The following USP50 variants were observed in gnomAD, a reference collection of about 807,000 sequenced individuals.
USP50 encodes ubiquitin specific peptidase 50.
Under a neutral mutation model 39.2 loss-of-function variants are expected in USP50, and 37 were observed. That is an observed-to-expected ratio of 0.94 (90% CI 0.73 to 1.24). The LOEUF (loss-of-function observed/expected upper bound fraction) is 1.24. USP50 is among the 50% of genes most tolerant of loss of function. USP50 has a pLI of 0.00. For missense variants in USP50, 374 were observed against 398.2 expected (o/e 0.94, Z 0.52); for synonymous variants, 139 against 144.5 (o/e 0.96, Z 0.27).
chr15:50,498,306 C>T (rs1350947303), downstream of USP50: 5 of 251,978 alleles, frequency 2.0e-5, no homozygotes, highest in African/African-American at 1.1e-4. Flanking sequence ...GTCTTACCTT[C>T]CTAGAAGACT....
chr15:50,530,028 T>TGGAGTTCAGC, intron 5 of USP50, 99 bp from the exon 6 acceptor site: 18 of 1,499,366 alleles, frequency 1.2e-5, no homozygotes, highest in Non-Finnish European at 1.5e-5. Flanking sequence ...ATTTCTTGAC[T>TGGAGTTCAGC]GGGCACAGTG....
At position 50,535,488 on chromosome 15, in the gene USP50, A is replaced by G. The variant is rs371791716; in HGVS notation, c.803+3221T>C. Among the ~76,000 whole-genome samples the G allele has an allele frequency of 2.0e-4, 30 of 152,006 alleles. 1 individual carries two copies. The South Asian group carries it at 3.7e-3, about 19-fold the overall frequency. On this transcript the variant is annotated intron_variant, in intron 5 of 6. Coordinates refer to ENST00000532404, the MANE Select transcript of USP50 (RefSeq NM_203494.5). ...ACAAATTTAAAATAATAGAAATCATACAATCTCTGCTCTCAGACCACAATG... is the reference window on the plus strand; with the variant it reads ...ACAAATTTAAAATAATAGAAATCATGCAATCTCTGCTCTCAGACCACAATG...
chr15:50,498,271 G>A, downstream of USP50: 1 of 194,108 alleles, frequency 5.2e-6, no homozygotes. Flanking sequence ...TTTCTTTTGT[G>A]GTGGTCAGCA....
intron 6 of USP50, among the ~76,000 whole-genome samples, chr15:50,522,035 T>C (rs960681368): frequency 1.3e-5 from 2 of 152,130 alleles, no homozygotes; most frequent in Non-Finnish European, 2.9e-5. Context: ...AAGAAACTAC[T>C]ATAAACAATT....
intron 6 of USP50, chr15:50,501,633 A>G (rs764671079): frequency 1.3e-5 from 2 of 151,996 alleles, no homozygotes; most frequent in South Asian, 2.1e-4. Context: ...TCAATCCCCC[A>G]TAGGGTACAA....
rs760160174 is a variant in USP50 at position 50,543,723 on chromosome 15, C to G, written c.319G>C (p.Val107Leu). 1.2e-6 allele frequency: 2 copies of G among 1,611,280 alleles called. No individual in the cohort carries two copies. The highest frequency in any genetic ancestry group is 2.2e-5 in the South Asian group (2 of 90,482). Residue 107 changes from valine to leucine, a missense_variant, in exon 3 of 7, where the codon GTC becomes CTC. By Grantham distance (32) the Val-to-Leu change is conservative. Transcript: ENST00000532404. Reference protein sequence around the residue: ...TDMWLGDSDCVSPEIFWSALG... With the variant: ...TDMWLGDSDCLSPEIFWSALG... ...GCTGACCAGAATATTTCTGGTGAGA[C>G]ACAGTCTGAGTCTCCCAGCCACATG...
chr15:50,544,598 G>A lies in USP50; in HGVS notation c.237C>T (p.Thr79=), dbSNP rs758788125. The A allele has an allele frequency of 1.9e-5, 30 of 1,612,958 alleles. No individual in the cohort carries two copies. Among genetic ancestry groups the A allele is most frequent in the East Asian group, 2.2e-5 (1 of 44,854 alleles). The change falls in exon 2 of 7, where the codon ACC becomes ACT. Residue 79 remains threonine (T), a synonymous_variant. Coordinates refer to ENST00000532404, the MANE Select transcript of USP50 (RefSeq NM_203494.5). ...GCAAATGGTCTTACTTTTGCAGAGC[G>A]GTGATATACTTCCCGGTGAGAAAGT... The part of the protein sequence containing the change: ...VEYFLTGKYI[T]ALQNDCSEVA...
intron 4 of USP50, among the ~76,000 whole-genome samples, chr15:50,540,338 A>G (rs1475357665): frequency 6.6e-6 from 1 of 152,174 alleles, no homozygotes; most frequent in Non-Finnish European, 1.5e-5. Flanking sequence ...CCAAAATATA[A>G]GAGCTCAAGT....
chr15:50,517,055 C>G (rs1438992575), intron 6 of USP50, among the ~76,000 whole-genome samples: 1 of 152,170 alleles, frequency 6.6e-6, no homozygotes, highest in African/African-American at 2.4e-5. Flanking sequence ...ATACTTTAGA[C>G]CAAACAGATC....
chr15:50,528,253 C>CAT (rs3077876), intron 6 of USP50, among the ~76,000 whole-genome samples: 84,776 of 150,210 alleles, frequency 0.56, 24,012 homozygotes, highest in Admixed American at 0.62. Context: ...TTTATATAAA[C>CAT]ATATATTTCC....
At chr15:50,495,486 AGG>A (rs553634288) in intron 1 of USP50, among the ~76,000 whole-genome samples, 53 of 106,838 alleles carry the variant, frequency 5.0e-4, no homozygotes, top group Admixed American at 4.9e-3. Context: ...TAGAGATTGG[AGG>A]GGGGGGTCTC....
At chr15:50,542,342 A>T (rs1336685329) in intron 3 of USP50, among the ~76,000 whole-genome samples, 1 of 151,874 alleles carries the variant, frequency 6.6e-6, no homozygotes. Context: ...CCTAATTCCT[A>T]CTTTGATCTT....
chr15:50,520,334 T>C (rs1273305246), intron 6 of USP50, among the ~76,000 whole-genome samples: 1 of 148,490 alleles, frequency 6.7e-6, no homozygotes, highest in Non-Finnish European at 1.5e-5. Flanking sequence ...AGGGTTTCCC[T>C]CTGTCACCCA....
At chr15:50,505,718 G>A (rs1458152610) in intron 6 of USP50, 4 of 152,350 alleles carry the variant, frequency 2.6e-5, no homozygotes, top group Non-Finnish European at 4.4e-5. Context: ...CAGCACTTTG[G>A]AAGGCCAAGG....
intron 5 of USP50, among the ~76,000 whole-genome samples, chr15:50,534,895 T>C (rs3131600): frequency 0.41 from 61,790 of 151,724 alleles, 13,241 homozygotes; most frequent in Admixed American, 0.54. Flanking sequence ...AATCCCAGCA[T>C]TTTGGGAGGC....
Position 50,546,481 on chromosome 15 carries a change from G to A in USP50, c.45C>T (p.Tyr15=). The change falls in exon 1 of 7, where the codon TAC becomes TAT. Residue 15 remains tyrosine (Y), a synonymous_variant. Transcript: ENST00000532404. The part of the protein sequence containing the change: ...PSLPADDFDI[Y]HVLAECTDYY... The stretch of plus-strand genomic sequence containing the variant: ...AGTAGATCAAGGCTCACAGGACGTG[G>A]TAGATATCGAAGTCATCTGCAGGGA... 6.2e-7 allele frequency: 1 copy of A among 1,613,700 alleles called. No homozygotes were observed.
At chr15:50,506,631 TGTA>T (rs2052662053) in intron 6 of USP50, 1 of 152,082 alleles carries the variant, frequency 6.6e-6, no homozygotes, top group Non-Finnish European at 1.5e-5. Context: ...ATATATGGGA[TGTA>T]GTAAATTTAC....
intron 6 of USP50, among the ~76,000 whole-genome samples, chr15:50,519,443 G>A (rs915927312): frequency 1.3e-5 from 2 of 151,940 alleles, no homozygotes; most frequent in Non-Finnish European, 2.9e-5. Flanking sequence ...GGCCGGGTGC[G>A]GTGGCTCACG....
intron 6 of USP50, among the ~76,000 whole-genome samples, chr15:50,519,577 C>T (rs1212757310): frequency 5.9e-5 from 9 of 151,774 alleles, no homozygotes; most frequent in East Asian, 2.0e-4. Context: ...TAGGCGGGTG[C>T]GGTGGCGGGC....
Sources: gnomAD v4.1 joint callset for allele counts (sites outside exome capture counted in the v4.1 genomes callset) on GRCh38, gnomAD v4.1.1 for gene constraint, MANE v1.5 for transcripts, NCBI Gene and HGNC (gene_info 2026-07-23, HGNC 2026-07-21) for gene names.